EXTL1: variants seen among roughly 807,000 people sequenced by gnomAD.
EXTL1 encodes the protein exostosin like glycosyltransferase 1.
In EXTL1, 43 loss-of-function variants were observed where a neutral mutation model predicts 64.6. The ratio of observed to expected loss-of-function variants is 0.67; its 90% CI spans 0.52 to 0.86. EXTL1 has a LOEUF of 0.86. Ranked by LOEUF, EXTL1 falls within the 40% of genes least tolerant of loss-of-function variation. The pLI, the probability that EXTL1 is intolerant of heterozygous loss-of-function variation, is 0.00. For synonymous variants in EXTL1, 352 were observed against 360.5 expected, an observed-to-expected ratio of 0.98 and a Z score of 0.27; for missense variants, 766 against 879.0, an observed-to-expected ratio of 0.87 and a Z score of 1.62.
chr1:26,033,595 C>T lies in EXTL1; in HGVS notation c.1519-101C>T, dbSNP rs1015270264. The T allele has an allele frequency of 4.4e-5, 57 of 1,290,240 alleles. No individual in the cohort carries two copies. Among genetic ancestry groups the T allele is most frequent in the Admixed American group, 7.7e-5 (4 of 52,180 alleles). 79.9% of individuals were successfully genotyped at this position (1,290,240 alleles called of 1,614,324 possible). On this transcript the variant is annotated intron_variant, in intron 8 of 10. Transcript: ENST00000374280. This position sits in a 1 kb window ranked among gnomAD's most constrained non-coding sequence, Gnocchi z 5.1. ...GCTCCCGCGCCCTCTCCCCTGAGTC[C>T]TGCCCGGGCCCCTCAGCCAGGCTGC...
In EXTL1 at chr1:26,022,710, G is replaced by T. The variant is rs746526730; in HGVS notation, c.64G>T (p.Val22Phe). Residue 22 changes from valine to phenylalanine, a missense_variant, in exon 1 of 11, where the codon GTC becomes TTC. By Grantham distance (50) the Val-to-Phe change is conservative (BLOSUM62 -1). This residue lies in a region of EXTL1 where 571 missense variants were observed against 647.6 expected (regional missense o/e 0.88). Coordinates refer to ENST00000374280, the MANE Select transcript of EXTL1 (RefSeq NM_004455.3). ...LALSASWLLL[V>F]LLGGFSLLRL... ...ACTGTCAGCCTCCTGGCTCCTGCTT[G>T]TCCTGCTGGGAGGCTTCTCCCTTCT... The T allele has an allele frequency of 2.5e-6, 4 of 1,613,438 alleles. No individual in the cohort carries two copies. In the East Asian group the frequency reaches 8.9e-5, roughly 36 times the overall value.
Position 26,033,910 on chromosome 1 carries a change from ACC to A in EXTL1, c.1679+58_1679+59del. On this transcript the variant is annotated intron_variant, in intron 9 of 10. Coordinates refer to ENST00000374280, the MANE Select transcript of EXTL1 (RefSeq NM_004455.3). This position sits in a 1 kb window ranked among gnomAD's most constrained non-coding sequence, Gnocchi z 5.1. ...AGAGTATCAGAGGACCAGAGACCCC[ACC>A]CCCACCCCGAACGGAGCAGAGTGGC... 1 of 1,490,682 alleles carries A rather than the reference ACC, an allele frequency of 6.7e-7. No individual in the cohort carries two copies. Among genetic ancestry groups the A allele is most frequent in the Non-Finnish European group, 9.0e-7 (1 of 1,108,916 alleles). The allele number at this position is 1,490,682 out of a possible 1,614,324, so 92.3% of individuals were successfully genotyped here. A position where few individuals can be genotyped will look rare whatever the true frequency, so the allele number is the denominator to read the frequency against.
rs563241600 is a variant in EXTL1, at chr1:26,035,101, C to A, written c.1849-64C>A. On this transcript the variant is annotated intron_variant, in intron 10 of 10. Coordinates refer to ENST00000374280, the MANE Select transcript of EXTL1 (RefSeq NM_004455.3). This position sits in a 1 kb window ranked among gnomAD's most constrained non-coding sequence, Gnocchi z 5.3. Reference sequence around the variant, plus strand: ...TGTCTAATTCCAGTCTTTCTTGCTGCACGGGCGTGGGGAGTTCGGAAGGGC... The same window carrying A: ...TGTCTAATTCCAGTCTTTCTTGCTGAACGGGCGTGGGGAGTTCGGAAGGGC... 1 of 1,590,594 alleles carries A rather than the reference C, an allele frequency of 6.3e-7. No individual in the cohort carries two copies. Among genetic ancestry groups the A allele is most frequent in the African/African-American group, 1.3e-5 (1 of 74,424 alleles).
chr1:26,035,461 G>A lies in EXTL1; in HGVS notation c.*114G>A. The A allele has an allele frequency of 3.0e-6, 3 of 989,750 alleles. No homozygotes were observed. Among genetic ancestry groups the A allele is most frequent in the South Asian group, 1.9e-5 (1 of 53,852 alleles). 61.3% of individuals were successfully genotyped at this position (989,750 alleles called of 1,614,324 possible). On this transcript the variant is annotated 3_prime_UTR_variant, in exon 11 of 11. Coordinates refer to ENST00000374280, the MANE Select transcript of EXTL1 (RefSeq NM_004455.3). This position sits in a 1 kb window ranked among gnomAD's most constrained non-coding sequence, Gnocchi z 5.3. Reference sequence around the variant, plus strand: ...CGGAGAACCTATCATGTCAGCCAGCGGGCCCACACGTCGGACCCCGGTTGG... The same window carrying A: ...CGGAGAACCTATCATGTCAGCCAGCAGGCCCACACGTCGGACCCCGGTTGG...
chr1:26,027,629 G>T (rs149491294), intron 1 of EXTL1, among the ~76,000 whole-genome samples: 4,835 of 149,256 alleles, frequency 0.032, 125 homozygotes, highest in Non-Finnish European at 0.049. Flanking sequence ...ACTGAGGCAG[G>T]AGGATCACTT....
In EXTL1 at chr1:26,023,048, C is replaced by T; in HGVS notation, c.402C>T (p.Leu134=). 1 of 1,613,986 alleles carries T rather than the reference C, an allele frequency of 6.2e-7. No individual in the cohort carries two copies. The highest frequency in any genetic ancestry group is 1.1e-5 in the South Asian group (1 of 91,014). ...YTFSPAGACL[L]LLLSLDAQTG... is the part of the protein sequence containing the mutation. The stretch of plus-strand genomic sequence containing the variant: ...TCAGCCCTGCTGGGGCCTGCCTCCT[C>T]CTCCTCCTCAGCCTGGACGCCCAGA... Residue 134 remains leucine (L), a synonymous_variant, in exon 1 of 11, where the codon CTC becomes CTT. Coordinates refer to ENST00000374280, the MANE Select transcript of EXTL1 (RefSeq NM_004455.3).
chr1:26,022,572 C>T lies in EXTL1; in HGVS notation c.-75C>T, dbSNP rs554820954. 4.5e-6 allele frequency: 6 copies of T among 1,324,684 alleles called. No individual in the cohort carries two copies. The African/African-American group carries it at 5.9e-5, about 13-fold the overall frequency. 82.1% of individuals were successfully genotyped at this position (1,324,684 alleles called of 1,614,324 possible). A position where few individuals can be genotyped will look rare whatever the true frequency, so the allele number is the denominator to read the frequency against. ...GCAGGTCGGTCCCAGCTCTGGTCTC[C>T]CGCCCCAGGCCCTGCTCTTCCTGCT... On this transcript the variant is annotated 5_prime_UTR_variant, in exon 1 of 11. Coordinates refer to ENST00000374280, the MANE Select transcript of EXTL1 (RefSeq NM_004455.3).
chr1:26,023,043 C>T lies in EXTL1; in HGVS notation c.397C>T (p.Leu133Phe), dbSNP rs769901049. 6.3e-7 allele frequency: 1 copy of T among 1,594,340 alleles called. No individual in the cohort carries two copies. Among genetic ancestry groups the T allele is most frequent in the South Asian group, 1.1e-5 (1 of 89,376 alleles). The change falls in exon 1 of 11, where the codon CTC becomes TTC. Residue 133 changes from leucine to phenylalanine, a missense_variant. Leu to Phe is a conservative substitution (Grantham distance 22, BLOSUM62 0). This residue lies in a region of EXTL1 where 571 missense variants were observed against 647.6 expected (regional missense o/e 0.88). Transcript: ENST00000374280. ...CACATTCAGCCCTGCTGGGGCCTGC[C>T]TCCTCCTCCTCCTCAGCCTGGACGC... ...FYTFSPAGAC[L>F]LLLLSLDAQT...
In EXTL1 at chr1:26,034,478, G is replaced by A. The variant is rs1231921925; in HGVS notation, c.1680-358G>A. On this transcript the variant is annotated intron_variant, in intron 9 of 10. Transcript: ENST00000374280. This position sits in a 1 kb window ranked among gnomAD's most constrained non-coding sequence, Gnocchi z 4.6. ...GCCGTGTGAAGTGAGCTCACCCGGAGCGGTATCAGCCTGGTTCATCCACAA... is the reference window on the plus strand; with the variant it reads ...GCCGTGTGAAGTGAGCTCACCCGGAACGGTATCAGCCTGGTTCATCCACAA... 6.6e-6 allele frequency among the ~76,000 whole-genome samples: 1 copy of A among 152,198 alleles called. No homozygotes were observed. The highest frequency in any genetic ancestry group is 1.5e-5 in the Non-Finnish European group (1 of 68,044).
chr1:26,024,743 C>T (rs976598475), intron 1 of EXTL1, among the ~76,000 whole-genome samples: 2 of 152,210 alleles, frequency 1.3e-5, no homozygotes, highest in South Asian at 2.1e-4. Context: ...AGCGACAAGG[C>T]TCTCCCTTTG....
At chr1:26,029,011 T>C (rs1326919785) in intron 1 of EXTL1, among the ~76,000 whole-genome samples, 182 bp from the exon 2 acceptor site, 1 of 152,120 alleles carries the variant, frequency 6.6e-6, no homozygotes, top group Non-Finnish European at 1.5e-5. Flanking sequence ...GTGGCTGGTG[T>C]GATGCTTGTG....
Position 26,031,486 on chromosome 1 carries a change from G to C in EXTL1, c.1261G>C (p.Ala421Pro). The change falls in exon 6 of 11, where the codon GCC becomes CCC. Residue 421 changes from alanine (A) to proline (P), a missense_variant. Around this residue, in one of 3 missense-constraint regions of EXTL1, gnomAD observed 571 missense variants for 647.6 expected, o/e 0.88. Transcript: ENST00000374280. ...QGSRPEGRFS[A>P]LIWVGPPGQP... Reference sequence around the variant, plus strand: ...CTCCCGCCCTGAGGGCAGATTCAGCGCCCTGATCTGGGTGGGGCCCCCAGG... The same window carrying C: ...CTCCCGCCCTGAGGGCAGATTCAGCCCCCTGATCTGGGTGGGGCCCCCAGG... 1 of 1,593,904 alleles carries C rather than the reference G, an allele frequency of 6.3e-7. No individual in the cohort carries two copies. The highest frequency in any genetic ancestry group is 8.5e-7 in the Non-Finnish European group (1 of 1,169,948).
In EXTL1 at chr1:26,033,777, G is replaced by A. The variant is rs760907872; in HGVS notation, c.1600G>A (p.Ala534Thr). The change falls in exon 9 of 11, where the codon GCC (alanine) becomes ACC (threonine). Residue 534 changes from alanine (A) to threonine (T), a missense_variant. Around this residue, in one of 3 missense-constraint regions of EXTL1, gnomAD observed 194 missense variants for 214.5 expected, o/e 0.90. Transcript: ENST00000374280. This position sits in a 1 kb window ranked among gnomAD's most constrained non-coding sequence, Gnocchi z 5.1. ...GACGTCGAGCCATTTCTGGGACGAGGCCCATGGTGGCTGGGGCTACACTGC... is the reference window on the plus strand; with the variant it reads ...GACGTCGAGCCATTTCTGGGACGAGACCCATGGTGGCTGGGGCTACACTGC... ...FLTSSHFWDE[A>T]HGGWGYTAER... 1.2e-6 allele frequency: 2 copies of A among 1,614,178 alleles called. No homozygotes were observed.
At chr1:26,031,042 G>A (rs1039665794) in intron 4 of EXTL1, 90 bp from the exon 5 acceptor site, 30 of 1,542,070 alleles carry the variant, frequency 1.9e-5, no homozygotes, top group Admixed American at 7.1e-5. Context: ...GTCTGGTGAT[G>A]CAGCTGCCAC....
chr1:26,031,784 G>T (rs913940341), intron 6 of EXTL1, among the ~76,000 whole-genome samples: 9 of 152,346 alleles, frequency 5.9e-5, no homozygotes, highest in Non-Finnish European at 1.0e-4. Flanking sequence ...TGTCTCTTGG[G>T]GAGGCTGGAG....
chr1:26,022,678 G>A lies in EXTL1; in HGVS notation c.32G>A (p.Trp11Ter). 1 of 1,610,350 alleles carries A rather than the reference G, an allele frequency of 6.2e-7. No individual in the cohort carries two copies. The highest frequency in any genetic ancestry group is 1.3e-5 in the African/African-American group (1 of 74,948). The change falls in exon 1 of 11, where the codon TGG (tryptophan) becomes TAG (stop). Residue 11 changes from tryptophan (W) to a stop codon, truncating the protein, a stop_gained. Transcript: ENST00000374280. LOFTEE classifies it high-confidence loss of function. MQSWRRRKSLWLALSASWLLL... is the reference protein window; with the variant it reads MQSWRRRKSL ...TCGTGGAGGAGAAGAAAGTCCCTGT[G>A]GCTGGCACTGTCAGCCTCCTGGCTC...
chr1:26,028,728 C>G (rs775548091), intron 1 of EXTL1, among the ~76,000 whole-genome samples: 13 of 152,316 alleles, frequency 8.5e-5, no homozygotes, highest in Admixed American at 3.3e-4. Flanking sequence ...GACAGAGGAG[C>G]CTTTCACGGG....
intron 3 of EXTL1, 141 bp from the exon 4 acceptor site, chr1:26,030,330 CTTTTT>C (rs1213800896): frequency 1.5e-3 from 569 of 380,920 alleles, no homozygotes; most frequent in East Asian, 1.9e-3. Context: ...CTGAATGCTT[CTTTTT>C]TTTTTTTTTT....
In EXTL1 at chr1:26,034,017, TC is replaced by T. The variant is rs2050314387; in HGVS notation, c.1679+162del. On this transcript the variant is annotated intron_variant, in intron 9 of 10. Transcript: ENST00000374280. The surrounding 1 kb of genome is among the most constrained non-coding windows in gnomAD (Gnocchi z 4.6). ...GATCCTGGGCAAATCTCCTCACTTC[TC>T]TAGAGTTTGTTTTCTCATCTGTAAA... Among the ~76,000 whole-genome samples, 1 of 152,088 alleles carries T rather than the reference TC, an allele frequency of 6.6e-6. No homozygotes were observed. The highest frequency in any genetic ancestry group is 6.5e-5 in the Admixed American group (1 of 15,270).
Sources: gnomAD v4.1 joint callset for allele counts (sites outside exome capture counted in the v4.1 genomes callset) on GRCh38, gnomAD v4.1.1 for gene constraint, gnomAD v4.1.1 regional missense constraint, Gnocchi (gnomAD v3.1) non-coding constraint, MANE v1.5 for transcripts, NCBI Gene and HGNC (gene_info 2026-07-23, HGNC 2026-07-21) for gene names.